The following GPR37L1 variants were observed in gnomAD, a reference collection of about 807,000 sequenced individuals.
The protein encoded by GPR37L1 is G protein-coupled receptor 37-like 1.
A neutral mutation model predicts 18.0 loss-of-function variants in GPR37L1; 18 were observed. The observed-to-expected ratio is 1.00, with a 90% CI of 0.69 to 1.49. GPR37L1 has a LOEUF of 1.49. GPR37L1 is among the 40% of genes most tolerant of loss of function. The pLI, the probability that GPR37L1 is intolerant of heterozygous loss-of-function variation, is 0.00. For synonymous variants in GPR37L1, 256 were observed against 273.9 expected (o/e 0.93, Z 0.65); for missense variants, 558 against 615.1 (o/e 0.91, Z 0.98).
rs765701004 is a variant in GPR37L1, at chr1:202,128,129, G to T, written c.1019G>T (p.Gly340Val). The change falls in exon 2 of 2, where the codon GGG becomes GTG. Residue 340 changes from glycine (G) to valine (V), a missense_variant. Physicochemically the swap from Gly to Val is moderately radical, Grantham distance 109. Transcript: ENST00000367282. ...ACATGGCGGGTGCGAGGCCCTCCAG[G>T]GAGGAAGTCAGAGTGCAGGGCCAGC... ...LVTWRVRGPP[G>V]RKSECRASKH... The T allele has an allele frequency of 6.2e-7, 1 of 1,614,068 alleles. No individual in the cohort carries two copies. The highest frequency in any genetic ancestry group is 1.1e-5 in the South Asian group (1 of 91,082).
intron 1 of GPR37L1, among the ~76,000 whole-genome samples, chr1:202,126,834 C>CATGCGTGT (rs1489202791): frequency 1.7e-3 from 108 of 64,230 alleles, no homozygotes; most frequent in Middle Eastern, 0.014. Context: ...GGAGCAGAAA[C>CATGCGTGT]GTGCGTGTGT....
rs145956371 is a variant in GPR37L1 at position 202,125,493 on chromosome 1, G to A, written c.630+1900G>A. Among the ~76,000 whole-genome samples, 194 of 152,248 alleles carry A rather than the reference G, an allele frequency of 1.3e-3. 2 individuals are homozygous for A. Among genetic ancestry groups the A allele is most frequent in the African/African-American group, 4.1e-3 (172 of 41,548 alleles). ...GAAGGGGAAAAGGGCAGACACATACGACCTCTTGTTTGCATGTGGCTGGTA... is the reference window on the plus strand; with the variant it reads ...GAAGGGGAAAAGGGCAGACACATACAACCTCTTGTTTGCATGTGGCTGGTA... On this transcript the variant is annotated intron_variant, in intron 1 of 1. Coordinates refer to ENST00000367282, the MANE Select transcript of GPR37L1 (RefSeq NM_004767.5).
chr1:202,129,699 T>C lies in GPR37L1; in HGVS notation c.*1143T>C, dbSNP rs1339293446. 3 of 152,346 alleles carry C rather than the reference T, an allele frequency of 2.0e-5. No homozygotes were observed. The highest frequency in any genetic ancestry group is 4.4e-5 in the Non-Finnish European group (3 of 68,114). 9.4% of individuals were successfully genotyped at this position (152,346 alleles called of 1,614,324 possible). A position where few individuals can be genotyped will look rare whatever the true frequency, so the allele number is the denominator to read the frequency against. Reference sequence around the variant, plus strand: ...GCGACTCCAAGGGTTTTATGGCTTTTGAGGGACAGAGAGGATGGAGGGCTT... The same window carrying C: ...GCGACTCCAAGGGTTTTATGGCTTTCGAGGGACAGAGAGGATGGAGGGCTT... On this transcript the variant is annotated 3_prime_UTR_variant, in exon 2 of 2. Transcript: ENST00000367282.
At position 202,127,919 on chromosome 1, in the gene GPR37L1, G is replaced by A. The variant is rs1231151613; in HGVS notation, c.809G>A (p.Trp270Ter). 1 of 1,613,820 alleles carries A rather than the reference G, an allele frequency of 6.2e-7. No homozygotes were observed. The highest frequency in any genetic ancestry group is 1.7e-5 in the Admixed American group (1 of 60,022). The change falls in exon 2 of 2, where the codon TGG becomes TAG. Residue 270 changes from tryptophan (W) to a stop codon, truncating the protein, a stop_gained. Coordinates refer to ENST00000367282, the MANE Select transcript of GPR37L1 (RefSeq NM_004767.5). LOFTEE classifies it low-confidence loss of function (END_TRUNC). ...CTGGCTGTGCCTGAGCTCCTGCTGT[G>A]GCAGCTGGCACAGGAGCCTGCCCCC... ...MTLAVPELLL[W>*]QLAQEPAPTM...
At chr1:202,126,313 C>T (rs1465950630) in intron 1 of GPR37L1, among the ~76,000 whole-genome samples, 7 of 151,734 alleles carry the variant, frequency 4.6e-5, no homozygotes, top group Non-Finnish European at 8.8e-5. Context: ...GAGGCTGAGG[C>T]AGGAGAATCA....
rs1217836400 is a variant in GPR37L1, at chr1:202,131,760, C to G, written c.*3204C>G. 1 of 150,724 alleles carries G rather than the reference C, an allele frequency of 6.6e-6. No individual in the cohort carries two copies. Among genetic ancestry groups the G allele is most frequent in the Non-Finnish European group, 1.5e-5 (1 of 67,784 alleles). The allele number at this position is 150,724 out of a possible 1,614,324, so 9.3% of individuals were successfully genotyped here. On this transcript the variant is annotated 3_prime_UTR_variant, in exon 2 of 2. Transcript: ENST00000367282. ...GCTGAACACTTTTTTTTTTTTGAGACAAGATCCCACTCAGTCACTCAAGCT... is the reference window on the plus strand; with the variant it reads ...GCTGAACACTTTTTTTTTTTTGAGAGAAGATCCCACTCAGTCACTCAAGCT...
rs150345397 is a variant in GPR37L1 at position 202,128,298 on chromosome 1, C to T, written c.1188C>T (p.Leu396=). 64 of 1,614,058 alleles carry T rather than the reference C, an allele frequency of 4.0e-5. No homozygotes were observed. In the African/African-American group the frequency reaches 8.3e-4, roughly 21 times the overall value. ...STELTRQTLD[L]LGLINQFSTF... is the part of the protein sequence containing the mutation. ...AGCTGACCCGCCAGACCCTGGACCT[C>T]CTGGGCCTCATCAACCAGTTCTCCA... is the stretch of plus-strand genomic sequence containing the variant. Residue 396 remains leucine, a synonymous_variant, in exon 2 of 2, where the codon CTC becomes CTT. Transcript: ENST00000367282.
chr1:202,125,035 C>T (rs1033889285), intron 1 of GPR37L1, among the ~76,000 whole-genome samples: 3 of 151,404 alleles, frequency 2.0e-5, no homozygotes, highest in African/African-American at 2.4e-5. Flanking sequence ...TGTGGTGGCA[C>T]GCACCTGCAG....
At position 202,122,921 on chromosome 1, in the gene GPR37L1, T is replaced by C; in HGVS notation, c.-43T>C. On this transcript the variant is annotated 5_prime_UTR_variant, in exon 1 of 2. Coordinates refer to ENST00000367282, the MANE Select transcript of GPR37L1 (RefSeq NM_004767.5). ...AGCCCAGCTCTTGGGCCCCCTGCAC[T>C]CACCTGCTCTTCCTGGGCTGGCTGT... 6.2e-7 allele frequency: 1 copy of C among 1,608,000 alleles called. No individual in the cohort carries two copies. The highest frequency in any genetic ancestry group is 8.5e-7 in the Non-Finnish European group (1 of 1,178,330).
In GPR37L1 at chr1:202,129,459, T is replaced by C. The variant is rs543911845; in HGVS notation, c.*903T>C. The C allele has an allele frequency of 2.6e-5, 4 of 152,364 alleles. No homozygotes were observed. The highest frequency in any genetic ancestry group is 2.6e-4 in the Admixed American group (4 of 15,304). The allele number at this position is 152,364 out of a possible 1,614,324, so 9.4% of individuals were successfully genotyped here. The stretch of plus-strand genomic sequence containing the variant: ...CTGTCCCAACCTCCTTGTTAGGTGC[T>C]TTCCCATAGGAGGCCCTTCTTGAGA... On this transcript the variant is annotated 3_prime_UTR_variant, in exon 2 of 2. Coordinates refer to ENST00000367282, the MANE Select transcript of GPR37L1 (RefSeq NM_004767.5).
At position 202,123,546 on chromosome 1, in the gene GPR37L1, C is replaced by G. The variant is rs202014773; in HGVS notation, c.583C>G (p.Gln195Glu). The G allele has an allele frequency of 1.7e-4, 281 of 1,609,062 alleles. 1 individual carries two copies. The Middle Eastern group carries it at 2.8e-3, about 16-fold the overall frequency. Residue 195 changes from glutamine to glutamate, a missense_variant, in exon 1 of 2, where the codon CAG becomes GAG. By Grantham distance (29) the Gln-to-Glu change is conservative. Transcript: ENST00000367282. ...TGTCATCTTCAACGAGATCACCAAG[C>G]AGAGGCTACTGGGTGACGTTTCTTG... ...PIVIFNEITK[Q>E]RLLGDVSCRA...
At position 202,123,114 on chromosome 1, in the gene GPR37L1, G is replaced by A. The variant is rs746692737; in HGVS notation, c.151G>A (p.Glu51Lys). 2.5e-6 allele frequency: 4 copies of A among 1,613,714 alleles called. No homozygotes were observed. Among genetic ancestry groups the A allele is most frequent in the East Asian group, 2.2e-5 (1 of 44,870 alleles). ...QSRSKRGTED[E>K]EAKGVQQYVP... ...CCGATCCAAGAGGGGCACCGAGGAT[G>A]AGGAGGCCAAGGGCGTGCAGCAGTA... is the stretch of plus-strand genomic sequence containing the variant. The change falls in exon 1 of 2, where the codon GAG becomes AAG. Residue 51 changes from glutamate to lysine, a missense_variant. By Grantham distance (56) the Glu-to-Lys change is moderately conservative. Coordinates refer to ENST00000367282, the MANE Select transcript of GPR37L1 (RefSeq NM_004767.5).
At chr1:202,125,471 G>T (rs1654634595) in intron 1 of GPR37L1, among the ~76,000 whole-genome samples, 1 of 152,118 alleles carries the variant, frequency 6.6e-6, no homozygotes, top group African/African-American at 2.4e-5. Flanking sequence ...TAGAGGAGAA[G>T]GGGAAAAGGG....
At chr1:202,123,980 T>C (rs1654582315) in intron 1 of GPR37L1, among the ~76,000 whole-genome samples, 1 of 152,124 alleles carries the variant, frequency 6.6e-6, no homozygotes, top group East Asian at 1.9e-4. Context: ...TCCTCTTCTT[T>C]CCTCTGTACC....
At position 202,128,490 on chromosome 1, in the gene GPR37L1, C is replaced by G. The variant is rs552435625; in HGVS notation, c.1380C>G (p.Ser460=). The change falls in exon 2 of 2, where the codon TCC becomes TCG. Residue 460 remains serine, a synonymous_variant. Coordinates refer to ENST00000367282, the MANE Select transcript of GPR37L1 (RefSeq NM_004767.5). The part of the protein sequence containing the change: ...GSDNKLKTEV[S]SSIYFHKPRE... Reference sequence around the variant, plus strand: ...ACAACAAGCTCAAGACCGAGGTGTCCTCTTCCATCTACTTCCACAAGCCCA... The same window carrying G: ...ACAACAAGCTCAAGACCGAGGTGTCGTCTTCCATCTACTTCCACAAGCCCA... 6.2e-7 allele frequency: 1 copy of G among 1,608,114 alleles called. No homozygotes were observed. Among genetic ancestry groups the G allele is most frequent in the Admixed American group, 1.7e-5 (1 of 59,490 alleles).
At position 202,128,095 on chromosome 1, in the gene GPR37L1, C is replaced by G; in HGVS notation, c.985C>G (p.Gln329Glu). Residue 329 changes from glutamine (Q) to glutamate (E), a missense_variant, in exon 2 of 2, where the codon CAG (glutamine) becomes GAG (glutamate). Gln to Glu is a conservative substitution (Grantham distance 29). Coordinates refer to ENST00000367282, the MANE Select transcript of GPR37L1 (RefSeq NM_004767.5). ...GCCCATCCTCTTCACAGTCACCTGC[C>G]AGCTGGTGACATGGCGGGTGCGAGG... ...CLPILFTVTC[Q>E]LVTWRVRGPP... 2 of 1,614,014 alleles carry G rather than the reference C, an allele frequency of 1.2e-6. No homozygotes were observed. Among genetic ancestry groups the G allele is most frequent in the Non-Finnish European group, 1.7e-6 (2 of 1,179,896 alleles).
chr1:202,127,216 T>A (rs1209548443), intron 1 of GPR37L1, among the ~76,000 whole-genome samples: 8 of 152,216 alleles, frequency 5.3e-5, no homozygotes. Flanking sequence ...ACACGTAAAG[T>A]GCCCGACCCA....
At position 202,128,199 on chromosome 1, in the gene GPR37L1, C is replaced by A. The variant is rs763376779; in HGVS notation, c.1089C>A (p.Gly363=). The change falls in exon 2 of 2, where the codon GGC becomes GGA. Residue 363 remains glycine, a synonymous_variant. Coordinates refer to ENST00000367282, the MANE Select transcript of GPR37L1 (RefSeq NM_004767.5). ...CESQLNSTVV[G]LTVVYAFCTL... is the part of the protein sequence containing the mutation. ...GCCAGCTCAACAGCACCGTGGTGGG[C>A]CTGACCGTGGTCTACGCCTTCTGCA... 1 of 1,613,890 alleles carries A rather than the reference C, an allele frequency of 6.2e-7. No homozygotes were observed. Among genetic ancestry groups the A allele is most frequent in the Non-Finnish European group, 8.5e-7 (1 of 1,179,986 alleles).
rs543900327 is a variant in GPR37L1, at chr1:202,132,691, G to C, written c.*4135G>C. The C allele has an allele frequency of 3.3e-5, 5 of 152,630 alleles. No individual in the cohort carries two copies. Among genetic ancestry groups the C allele is most frequent in the Admixed American group, 6.5e-5 (1 of 15,296 alleles). The allele number at this position is 152,630 out of a possible 1,614,324, so 9.5% of individuals were successfully genotyped here. On this transcript the variant is annotated 3_prime_UTR_variant, in exon 2 of 2. Coordinates refer to ENST00000367282, the MANE Select transcript of GPR37L1 (RefSeq NM_004767.5). ...GGAGGTGGGGCTTACTGTGAAACTG[G>C]GTCAAGATGGCCTCGGATTTGAGCA...
Sources: gnomAD v4.1 joint callset for allele counts (sites outside exome capture counted in the v4.1 genomes callset) on GRCh38, gnomAD v4.1.1 for gene constraint, MANE v1.5 for transcripts, NCBI Gene and HGNC (gene_info 2026-07-23, HGNC 2026-07-21) for gene names.